The following ARHGAP32 variants were observed in gnomAD, a reference collection of about 807,000 sequenced individuals.
The protein encoded by ARHGAP32 is Rho GTPase activating protein 32.
In ARHGAP32, 51 loss-of-function variants were observed where a neutral mutation model predicts 186.5. The observed-to-expected ratio is 0.27, with a 90% CI of 0.22 to 0.35. ARHGAP32 has a LOEUF of 0.35. ARHGAP32 is among the 10% of genes least tolerant of loss of function. ARHGAP32 has a pLI of 1.00. For synonymous variants in ARHGAP32, 950 were observed against 964.3 expected, an observed-to-expected ratio of 0.99 and a Z score of 0.27; for missense variants, 2,186 against 2,623.5, an observed-to-expected ratio of 0.83 and a Z score of 3.64.
chr11:129,236,073 C>T lies in ARHGAP32; in HGVS notation c.-5+43073G>A, dbSNP rs146144460. Among the ~76,000 whole-genome samples, 300 of 152,200 alleles carry T rather than the reference C, an allele frequency of 2.0e-3. 3 individuals are homozygous for T. The highest frequency in any genetic ancestry group is 6.6e-3 in the African/African-American group (275 of 41,528). On this transcript the variant is annotated intron_variant, in intron 1 of 6. Coordinates refer to the ARHGAP32 transcript ENST00000525234. ...TTTCGAATAATGACTTCTTTTCCTCCGGGTAGATACCTAGTAGTGGGATTG... is the reference window on the plus strand; with the variant it reads ...TTTCGAATAATGACTTCTTTTCCTCTGGGTAGATACCTAGTAGTGGGATTG...
At chr11:128,995,366 C>G (rs1362604914) in intron 12 of ARHGAP32, among the ~76,000 whole-genome samples, 1 of 152,024 alleles carries the variant, frequency 6.6e-6, no homozygotes, top group Non-Finnish European at 1.5e-5. Flanking sequence ...GCCACCATGC[C>G]CAGCTCGTTT....
chr11:129,069,085 C>T (rs1940789967), intron 6 of ARHGAP32, among the ~76,000 whole-genome samples: 1 of 152,014 alleles, frequency 6.6e-6, no homozygotes, highest in South Asian at 2.1e-4. Context: ...TTGGGTGTGG[C>T]CTACAGTGTT....
At chr11:129,144,551 C>T (rs1943129331) in intron 2 of ARHGAP32, among the ~76,000 whole-genome samples, 1 of 152,172 alleles carries the variant, frequency 6.6e-6, no homozygotes, top group Non-Finnish European at 1.5e-5. Flanking sequence ...CTCAGGAACA[C>T]ATCCTCCCAT....
chr11:129,164,514 C>A, intron 1 of ARHGAP32, 87 bp from the exon 2 acceptor site: 1 of 738,010 alleles, frequency 1.4e-6, no homozygotes, highest in Non-Finnish European at 2.2e-6. Context: ...AGCAGAAAAA[C>A]TACATGTCAG....
At chr11:129,117,401 C>T (rs1942397056) in intron 5 of ARHGAP32, among the ~76,000 whole-genome samples, 1 of 151,948 alleles carries the variant, frequency 6.6e-6, no homozygotes, top group Non-Finnish European at 1.5e-5. Context: ...ATTCTGATTA[C>T]TACTTTTTAA....
intron 1 of ARHGAP32, among the ~76,000 whole-genome samples, chr11:129,204,591 C>A (rs894683800): frequency 6.6e-6 from 1 of 152,300 alleles, no homozygotes; most frequent in African/African-American, 2.4e-5. Flanking sequence ...GTTCACTCTG[C>A]TTTGAAGTTG....
At chr11:129,049,965 C>G (rs1179482539) in intron 10 of ARHGAP32, among the ~76,000 whole-genome samples, 1 of 152,222 alleles carries the variant, frequency 6.6e-6, no homozygotes, top group Non-Finnish European at 1.5e-5. Flanking sequence ...CTGACTTACT[C>G]TGTGCTGTGG....
chr11:129,136,605 A>C (rs1457728318), intron 2 of ARHGAP32, among the ~76,000 whole-genome samples: 1 of 152,176 alleles, frequency 6.6e-6, no homozygotes, highest in Non-Finnish European at 1.5e-5. Context: ...ACATAAGCTA[A>C]ATAGAATAAT....
rs1942590304 is a variant in ARHGAP32 at position 129,123,728 on chromosome 11, C to A, written c.359+160G>T. ...TGAGTATTACATTTAGTGTACAGAT[C>A]AAAACCCAAAATAAAAAAAGCATCA... On this transcript the variant is annotated intron_variant, in intron 4 of 22. Coordinates refer to ENST00000682385, the MANE Select transcript of ARHGAP32 (RefSeq NM_001378024.1). The surrounding 1 kb of genome is among the most constrained non-coding windows in gnomAD (Gnocchi z 4.6). Among the ~76,000 whole-genome samples the A allele has an allele frequency of 6.6e-6, 1 of 152,018 alleles. No individual in the cohort carries two copies. Among genetic ancestry groups the A allele is most frequent in the Non-Finnish European group, 1.5e-5 (1 of 67,974 alleles).
At chr11:129,137,349 TGTAA>T (rs1362801076) in intron 2 of ARHGAP32, among the ~76,000 whole-genome samples, 4 of 151,896 alleles carry the variant, frequency 2.6e-5, no homozygotes, top group Admixed American at 2.6e-4. Flanking sequence ...TTTGGGGTCA[TGTAA>T]GTGTTATAAG....
chr11:129,001,145 C>G (rs535115101), intron 11 of ARHGAP32, among the ~76,000 whole-genome samples: 1 of 152,268 alleles, frequency 6.6e-6, no homozygotes, highest in Admixed American at 6.5e-5. Flanking sequence ...GGTATATACC[C>G]AGCAGTAGGA....
intron 1 of ARHGAP32, among the ~76,000 whole-genome samples, chr11:129,254,136 G>A (rs1260237404): frequency 1.3e-5 from 2 of 151,878 alleles, no homozygotes; most frequent in African/African-American, 2.4e-5. Context: ...TGACCCCTAC[G>A]CCCTTGTAAC....
At position 128,974,368 on chromosome 11, in the gene ARHGAP32, G is replaced by A. The variant is rs1945482859; in HGVS notation, c.2829C>T (p.Thr943=). The change falls in exon 21 of 23, where the codon ACC becomes ACT. Residue 943 remains threonine, a synonymous_variant. Transcript: ENST00000682385. The part of the protein sequence containing the change: ...VSEVIGTVSN[T]TAQNASSSTW... The stretch of plus-strand genomic sequence containing the variant: ...TTGAAGATGATGCATTCTGAGCTGT[G>A]GTATTTGAGACTGTACCAATGACTT... 1 of 1,614,166 alleles carries A rather than the reference G, an allele frequency of 6.2e-7. No homozygotes were observed. The highest frequency in any genetic ancestry group is 8.5e-7 in the Non-Finnish European group (1 of 1,180,040).
At chr11:128,994,320 AC>A (rs755706391) in intron 12 of ARHGAP32, among the ~76,000 whole-genome samples, 8 of 148,948 alleles carry the variant, frequency 5.4e-5, no homozygotes, top group Non-Finnish European at 8.9e-5. Flanking sequence ...ACACCCGGCC[AC>A]TTTTTGTATT....
intron 11 of ARHGAP32, among the ~76,000 whole-genome samples, chr11:129,025,928 C>G (rs1332908368): frequency 6.7e-6 from 1 of 149,708 alleles, no homozygotes; most frequent in Non-Finnish European, 1.5e-5. Flanking sequence ...TATTACTTGA[C>G]ATATATATTT....
intron 13 of ARHGAP32, among the ~76,000 whole-genome samples, chr11:128,987,640 A>G (rs957205633): frequency 6.6e-6 from 1 of 152,242 alleles, no homozygotes; most frequent in Non-Finnish European, 1.5e-5. Context: ...CTTGAACATA[A>G]ACACAGAATC....
chr11:128,989,446 T>TG (rs1022155045), intron 12 of ARHGAP32, among the ~76,000 whole-genome samples: 7 of 151,092 alleles, frequency 4.6e-5, no homozygotes, highest in Admixed American at 3.3e-4. Flanking sequence ...CAGGAAACAC[T>TG]GGCAGAAGTG....
chr11:129,171,937 G>T (rs1057498493), intron 1 of ARHGAP32, among the ~76,000 whole-genome samples: 3 of 152,110 alleles, frequency 2.0e-5, no homozygotes, highest in African/African-American at 7.2e-5. Flanking sequence ...TAGCAATTAT[G>T]AATGTGAGTT....
At chr11:129,230,053 G>T (rs546820070) in intron 1 of ARHGAP32, among the ~76,000 whole-genome samples, 18 of 152,178 alleles carry the variant, frequency 1.2e-4, no homozygotes, top group African/African-American at 4.1e-4. Context: ...GGGCACAAGC[G>T]ATCTGCCTGT....
Sources: allele counts gnomAD v4.1 joint callset (sites outside exome capture counted in the v4.1 genomes callset), GRCh38; gene constraint gnomAD v4.1.1; non-coding constraint Gnocchi (gnomAD v3.1); transcripts MANE v1.5; gene names NCBI Gene and HGNC (gene_info 2026-07-23, HGNC 2026-07-21).